Variants in CCDC102B observed in about 807,000 individuals in gnomAD.
The protein encoded by CCDC102B is coiled-coil domain-containing protein 102B.
In CCDC102B, 75 loss-of-function variants were observed where a neutral mutation model predicts 57.4. The observed-to-expected ratio is 1.31, with a 90% confidence interval of 1.08 to 1.58. The LOEUF (loss-of-function observed/expected upper bound fraction) is 1.58. Ranked by LOEUF, CCDC102B falls within the 40% of genes most tolerant of loss-of-function variation. CCDC102B has a pLI of 0.00. For synonymous variants in CCDC102B, 206 were observed against 201.9 expected (o/e 1.02, Z -0.17); for missense variants, 636 against 582.6 (o/e 1.09, Z -0.94).
rs189040048 is a variant in CCDC102B, at chr18:68,997,071, C to T, written c.1264-13863C>T. 3.9e-5 allele frequency among the ~76,000 whole-genome samples: 6 copies of T among 152,248 alleles called. 1 individual carries two copies. Among genetic ancestry groups the T allele is most frequent in the Admixed American group, 2.6e-4 (4 of 15,298 alleles). ...ACTCCTTCCCCTTTGTTCAGCACTT[C>T]CCCTTCCTGCCACCATGTAAAGAAG... On this transcript the variant is annotated intron_variant, in intron 6 of 7. Transcript: ENST00000360242.
In CCDC102B at chr18:68,755,412, A is replaced by G. The variant is rs189536688; in HGVS notation, c.-67+38818A>G. 8.5e-5 allele frequency among the ~76,000 whole-genome samples: 13 copies of G among 152,296 alleles called. No homozygotes were observed. The East Asian group carries it at 1.7e-3, about 20-fold the overall frequency. On this transcript the variant is annotated intron_variant, in intron 2 of 3. Transcript: ENST00000578970. ...AGTTGTAATGGAAGAGAGAACAACC[A>G]TGGAATCTATGAAAAATTCCATGCT... is the stretch of plus-strand genomic sequence containing the variant.
At position 68,929,001 on chromosome 18, in the gene CCDC102B, G is replaced by T. The variant is rs559454377; in HGVS notation, c.1263+31573G>T. ...TGAAGTGGTGATGAGAGGCAATGCAGTCAGTCAGCTGGAGACCAGGAATAC... is the reference window on the plus strand; with the variant it reads ...TGAAGTGGTGATGAGAGGCAATGCATTCAGTCAGCTGGAGACCAGGAATAC... On this transcript the variant is annotated intron_variant, in intron 6 of 7. Transcript: ENST00000360242. Among the ~76,000 whole-genome samples, 98 of 152,034 alleles carry T rather than the reference G, an allele frequency of 6.4e-4. 5 individuals carry two copies. The South Asian group carries it at 0.02, about 31-fold the overall frequency.
chr18:68,949,371 A>G (rs897713496), intron 6 of CCDC102B, among the ~76,000 whole-genome samples: 1 of 152,136 alleles, frequency 6.6e-6, no homozygotes, highest in Non-Finnish European at 1.5e-5. Context: ...AGCATCTGAC[A>G]TTTGTATAAA....
intron 6 of CCDC102B, among the ~76,000 whole-genome samples, chr18:68,931,630 G>T (rs187042345): frequency 1.1e-4 from 17 of 152,022 alleles, no homozygotes; most frequent in Non-Finnish European, 2.4e-4. Flanking sequence ...GTCTAAAAAG[G>T]CTCCTTGGGA....
At chr18:68,928,219 G>A (rs2041544113) in intron 6 of CCDC102B, among the ~76,000 whole-genome samples, 2 of 151,888 alleles carry the variant, frequency 1.3e-5, no homozygotes, top group Non-Finnish European at 2.9e-5. Flanking sequence ...ACGGTTTCGA[G>A]TACTATACGG....
chr18:68,963,179 G>A (rs910247444), intron 6 of CCDC102B, among the ~76,000 whole-genome samples: 1 of 151,878 alleles, frequency 6.6e-6, no homozygotes, highest in Non-Finnish European at 1.5e-5. Context: ...AAATCTAGGA[G>A]GAGAATATGT....
intron 6 of CCDC102B, among the ~76,000 whole-genome samples, chr18:68,926,236 T>C (rs1163818935): frequency 2.0e-5 from 3 of 151,898 alleles, no homozygotes; most frequent in African/African-American, 7.2e-5. Context: ...TTAGAAATAT[T>C]TATACATTCT....
intron 2 of CCDC102B, among the ~76,000 whole-genome samples, chr18:68,748,206 G>GTATGTGTGTGTGTGTGTGTA (rs758445220): frequency 3.3e-5 from 1 of 30,036 alleles, no homozygotes; most frequent in Non-Finnish European, 7.7e-5. Context: ...TATTAAACTG[G>GTATGTGTGTGTGTGTGTGTA]TGTGTGTGTG....
intron 2 of CCDC102B, among the ~76,000 whole-genome samples, chr18:68,722,504 C>T (rs2032389777): frequency 6.6e-6 from 1 of 152,120 alleles, no homozygotes; most frequent in Non-Finnish European, 1.5e-5. Context: ...AAAGAGACAG[C>T]TTTGGATTTT....
chr18:68,951,649 A>G (rs571319629), intron 6 of CCDC102B, among the ~76,000 whole-genome samples: 10 of 152,114 alleles, frequency 6.6e-5, no homozygotes, highest in Non-Finnish European at 1.5e-4. Flanking sequence ...CTCTACTAAA[A>G]ATATAAAAAT....
At chr18:68,867,912 G>A (rs1396003300) in intron 4 of CCDC102B, among the ~76,000 whole-genome samples, 1 of 152,058 alleles carries the variant, frequency 6.6e-6, no homozygotes, top group African/African-American at 2.4e-5. Flanking sequence ...CCATCCTGGG[G>A]CGAAAGAGTA....
At chr18:68,974,083 A>T (rs1408080125) in intron 6 of CCDC102B, among the ~76,000 whole-genome samples, 1 of 152,138 alleles carries the variant, frequency 6.6e-6, no homozygotes, top group African/African-American at 2.4e-5. Context: ...GTGATGATTT[A>T]ATTACTTTCT....
At chr18:68,956,404 AT>A (rs2049865316) in intron 6 of CCDC102B, among the ~76,000 whole-genome samples, 2 of 72,326 alleles carry the variant, frequency 2.8e-5, no homozygotes, top group Non-Finnish European at 4.5e-5. Context: ...ATATAAATAT[AT>A]TTTATATATA....
At chr18:68,818,376 ATTAG>A (rs761854518) in intron 1 of CCDC102B, among the ~76,000 whole-genome samples, 2 of 152,212 alleles carry the variant, frequency 1.3e-5, no homozygotes, top group South Asian at 2.1e-4. Flanking sequence ...CTGCTTTCTG[ATTAG>A]TTAAATGTTC....
chr18:69,011,084 C>T lies in CCDC102B; in HGVS notation c.1414C>T (p.Leu472Phe), dbSNP rs2051502542. 1.2e-6 allele frequency: 2 copies of T among 1,613,244 alleles called. No individual in the cohort carries two copies. Among genetic ancestry groups the T allele is most frequent in the Non-Finnish European group, 1.7e-6 (2 of 1,179,668 alleles). The change falls in exon 7 of 8, where the codon CTC becomes TTC. Residue 472 changes from leucine to phenylalanine, a missense_variant. Coordinates refer to ENST00000360242, the MANE Select transcript of CCDC102B (RefSeq NM_024781.3). ...RLRVEELKQGLNQKEDELDDS... is the reference protein window; with the variant it reads ...RLRVEELKQGFNQKEDELDDS... ...ACGAGTGGAAGAACTAAAGCAGGGA[C>T]TCAATCAAAAAGAAGATGAGGTACT...
At chr18:68,851,426 T>G (rs558465663) in intron 4 of CCDC102B, among the ~76,000 whole-genome samples, 1 of 152,292 alleles carries the variant, frequency 6.6e-6, no homozygotes, top group African/African-American at 2.4e-5. Context: ...AATATAAAAA[T>G]GAAGCATGTG....
intron 2 of CCDC102B, among the ~76,000 whole-genome samples, chr18:68,724,097 T>G (rs748930825): frequency 3.3e-5 from 5 of 152,196 alleles, no homozygotes; most frequent in Non-Finnish European, 5.9e-5. Context: ...GGGGCTTGCA[T>G]CGTCAGAAGC....
chr18:68,940,984 A>G (rs1411535703), intron 6 of CCDC102B, among the ~76,000 whole-genome samples: 1 of 151,884 alleles, frequency 6.6e-6, no homozygotes, highest in East Asian at 1.9e-4. Flanking sequence ...TATTAAGAAA[A>G]TCAACAATCC....
rs1303853755 is a variant in CCDC102B at position 68,761,515 on chromosome 18, T to C, written c.-67+44921T>C. 3.3e-5 allele frequency among the ~76,000 whole-genome samples: 5 copies of C among 151,548 alleles called. No homozygotes were observed. The East Asian group carries it at 9.6e-4, about 29-fold the overall frequency. On this transcript the variant is annotated intron_variant, in intron 2 of 3. Coordinates refer to the CCDC102B transcript ENST00000578970. ...GTCAAATTCTCAATTTTAAAATAAT[T>C]TTTTATTTAAATATTTGAATCTATA...
Sources: gnomAD v4.1 joint callset for allele counts (sites outside exome capture counted in the v4.1 genomes callset) on GRCh38, gnomAD v4.1.1 for gene constraint, MANE v1.5 for transcripts, NCBI Gene and HGNC (gene_info 2026-07-23, HGNC 2026-07-21) for gene names.